CLVS1: variants seen among roughly 807,000 people sequenced by gnomAD.
CLVS1 encodes the protein clavesin 1, also known as clavesin-1.
CLVS1 carries 10 observed loss-of-function variants against 33.1 expected under a neutral mutation model. The ratio of observed to expected loss-of-function variants is 0.30; its 90% CI spans 0.19 to 0.51. CLVS1 has a LOEUF of 0.51. Among genes scored for constraint, CLVS1 ranks in the 20% least tolerant of loss-of-function variants. CLVS1 has a pLI of 0.97. For missense variants in CLVS1, 343 were observed against 433.4 expected (o/e 0.79, Z 1.85); for synonymous variants, 163 against 166.1 (o/e 0.98, Z 0.14).
rs1163424169 is a variant in CLVS1 at position 61,288,056 on chromosome 8, T to G, written c.-234T>G. ...AAATCTGAGCCCGAACCTGCCAGAATAGGGGATCTCACCCACCCAGTTCAG... is the reference window on the plus strand; with the variant it reads ...AAATCTGAGCCCGAACCTGCCAGAAGAGGGGATCTCACCCACCCAGTTCAG... On this transcript the variant is annotated 5_prime_UTR_variant, in exon 1 of 6. Coordinates refer to ENST00000325897, the MANE Select transcript of CLVS1 (RefSeq NM_173519.3). The G allele has an allele frequency of 6.6e-6, 3 of 455,152 alleles. No individual in the cohort carries two copies. The highest frequency in any genetic ancestry group is 1.3e-5 in the Non-Finnish European group (3 of 226,296). 28.2% of individuals were successfully genotyped at this position (455,152 alleles called of 1,614,324 possible).
At position 61,486,961 on chromosome 8, in the gene CLVS1, G is replaced by C. The variant is rs143106165; in HGVS notation, c.978-12494G>C. Among the ~76,000 whole-genome samples, 222 of 152,304 alleles carry C rather than the reference G, an allele frequency of 1.5e-3. 1 individual carries two copies. The highest frequency in any genetic ancestry group is 5.1e-3 in the African/African-American group (212 of 41,564). On this transcript the variant is annotated intron_variant, in intron 5 of 5. Transcript: ENST00000325897. Reference sequence around the variant, plus strand: ...GAGAAATATTTGTTGATTTGATTAAGATACTATTCCAATTCACTTGGAGTG... The same window carrying C: ...GAGAAATATTTGTTGATTTGATTAACATACTATTCCAATTCACTTGGAGTG...
intron 2 of CLVS1, among the ~76,000 whole-genome samples, chr8:61,345,125 C>G (rs1161126342): frequency 1.3e-5 from 2 of 152,128 alleles, no homozygotes; most frequent in Non-Finnish European, 2.9e-5. Flanking sequence ...CTCTGTTAAG[C>G]TACATTTGAG....
rs1428982153 is a variant in CLVS1 at position 61,306,129 on chromosome 8, C to G, written c.455+5847C>G. Among the ~76,000 whole-genome samples the G allele has an allele frequency of 2.0e-5, 3 of 152,270 alleles. No homozygotes were observed. In the East Asian group the frequency reaches 5.8e-4, roughly 29 times the overall value. ...GAACTGTGACACTGTTTTCCACAAT[C>G]TTTGAACTAATTTACAGTTTCACCA... On this transcript the variant is annotated intron_variant, in intron 2 of 5. Coordinates refer to ENST00000325897, the MANE Select transcript of CLVS1 (RefSeq NM_173519.3).
chr8:61,187,357 C>T (rs1807363128), intron 2 of CLVS1, among the ~76,000 whole-genome samples: 1 of 152,098 alleles, frequency 6.6e-6, no homozygotes. Flanking sequence ...GATTTTCACA[C>T]AGCTTACCAC....
intron 2 of CLVS1, among the ~76,000 whole-genome samples, chr8:61,374,658 A>C (rs1166578284): frequency 6.6e-6 from 1 of 152,210 alleles, no homozygotes; most frequent in African/African-American, 2.4e-5. Context: ...CATCTCTAAA[A>C]ATTAAAAGGG....
intron 1 of CLVS1, among the ~76,000 whole-genome samples, chr8:61,105,865 C>T (rs1035495204): frequency 2.6e-5 from 4 of 152,052 alleles, no homozygotes; most frequent in Non-Finnish European, 4.4e-5. Context: ...CAACCCGTCA[C>T]AGCCCAAATT....
intron 1 of CLVS1, among the ~76,000 whole-genome samples, chr8:61,064,825 C>T (rs1031469198): frequency 2.0e-5 from 3 of 152,114 alleles, no homozygotes; most frequent in African/African-American, 4.8e-5. Context: ...CCTCAGCCTC[C>T]CGAGTAGCTG....
At chr8:61,412,756 G>A (rs912360001) in intron 3 of CLVS1, among the ~76,000 whole-genome samples, 2 of 152,290 alleles carry the variant, frequency 1.3e-5, no homozygotes, top group Admixed American at 6.5e-5. Context: ...AGAAGGGGAG[G>A]TAGTGAGAAA....
chr8:61,427,885 G>A (rs936657732), intron 3 of CLVS1, among the ~76,000 whole-genome samples: 2 of 152,180 alleles, frequency 1.3e-5, no homozygotes, highest in South Asian at 2.1e-4. Context: ...TCCATTGCAG[G>A]CCTCCTTCTC....
At chr8:61,148,941 C>G (rs1052498773) in intron 2 of CLVS1, among the ~76,000 whole-genome samples, 1 of 152,190 alleles carries the variant, frequency 6.6e-6, no homozygotes, top group Non-Finnish European at 1.5e-5. Flanking sequence ...CAGGAACATT[C>G]CAATTGCAGC....
chr8:61,455,975 A>G (rs1001297140), intron 4 of CLVS1, among the ~76,000 whole-genome samples: 1 of 152,212 alleles, frequency 6.6e-6, no homozygotes, highest in Non-Finnish European at 1.5e-5. Flanking sequence ...CAAGACAGAA[A>G]TGTTTTAAAA....
chr8:61,397,262 TC>T (rs1404380695), intron 3 of CLVS1, among the ~76,000 whole-genome samples: 1 of 152,178 alleles, frequency 6.6e-6, no homozygotes, highest in Non-Finnish European at 1.5e-5. Flanking sequence ...TGAAACAGTA[TC>T]TCATTGTGGT....
intron 1 of CLVS1, among the ~76,000 whole-genome samples, chr8:61,069,834 A>G (rs1003256348): frequency 4.0e-5 from 6 of 151,888 alleles, no homozygotes; most frequent in Non-Finnish European, 8.8e-5. Flanking sequence ...TCTATCTCCC[A>G]TGCTGGAGTG....
chr8:61,102,988 G>T (rs1272967299), intron 1 of CLVS1, among the ~76,000 whole-genome samples: 1 of 152,178 alleles, frequency 6.6e-6, no homozygotes, highest in African/African-American at 2.4e-5. Flanking sequence ...ACCGGGAAAG[G>T]TAGGCAATGA....
chr8:61,263,215 CA>C (rs557443350), intron 2 of CLVS1, among the ~76,000 whole-genome samples: 2 of 152,160 alleles, frequency 1.3e-5, no homozygotes, highest in South Asian at 4.1e-4. Flanking sequence ...AACTCCCTGC[CA>C]TTTCCCCAGC....
chr8:61,240,352 C>T (rs1043060367), intron 2 of CLVS1, among the ~76,000 whole-genome samples: 4 of 152,164 alleles, frequency 2.6e-5, no homozygotes, highest in Admixed American at 6.5e-5. Context: ...GACTTAGGGC[C>T]TCATCTAGTG....
intron 3 of CLVS1, among the ~76,000 whole-genome samples, chr8:61,416,794 C>T (rs930467156): frequency 6.6e-6 from 1 of 152,194 alleles, no homozygotes; most frequent in Non-Finnish European, 1.5e-5. Context: ...AGCAGCTCCA[C>T]TTTTCTTTGA....
At chr8:61,016,318 G>T in the CLVS1 span, among the ~76,000 whole-genome samples, 3 of 152,338 alleles carry the variant, frequency 2.0e-5, no homozygotes, top group Admixed American at 2.0e-4. Context: ...GTAGCACATG[G>T]ATGTGATGCT....
chr8:61,418,932 A>G (rs1815546409), intron 3 of CLVS1, among the ~76,000 whole-genome samples: 1 of 152,202 alleles, frequency 6.6e-6, no homozygotes, highest in Non-Finnish European at 1.5e-5. Flanking sequence ...GGGCTGGGGA[A>G]GAAGCGTGCC....
Sources: allele counts gnomAD v4.1 joint callset (sites outside exome capture counted in the v4.1 genomes callset), GRCh38; gene constraint gnomAD v4.1.1; transcripts MANE v1.5; gene names NCBI Gene and HGNC (gene_info 2026-07-23, HGNC 2026-07-21).